Variants in VAT1L observed in about 807,000 individuals in gnomAD.
The protein encoded by VAT1L is vesicle amine transport 1 like, also known as putative NADPH-dependent quinone oxidoreductase VAT1L.
Under a neutral mutation model 44.1 loss-of-function variants are expected in VAT1L, and 34 were observed. That is an observed-to-expected ratio of 0.77 (90% CI 0.59 to 1.03). The LOEUF is 1.03. Ranked by LOEUF, VAT1L falls within the 50% of genes least tolerant of loss-of-function variation. The probability of loss-of-function intolerance (pLI) is 0.00; values close to 1 mark genes in which losing one functional copy is unlikely to be tolerated. For synonymous variants in VAT1L, 253 were observed against 202.2 expected (o/e 1.25, Z -2.13); for missense variants, 615 against 538.8 (o/e 1.14, Z -1.40).
chr16:77,870,537 G>A (rs1344115123), intron 4 of VAT1L, among the ~76,000 whole-genome samples: 1 of 152,200 alleles, frequency 6.6e-6, no homozygotes, highest in East Asian at 1.9e-4. Flanking sequence ...GAAAGAGGCA[G>A]CATTCACCAT....
chr16:77,833,220 A>G (rs1254856388), intron 3 of VAT1L, among the ~76,000 whole-genome samples: 6 of 152,200 alleles, frequency 3.9e-5, no homozygotes, highest in South Asian at 4.1e-4. Context: ...TCTTCTTTCA[A>G]TGAGAAGCCC....
At chr16:77,969,338 C>T (rs2018255452) in intron 7 of VAT1L, among the ~76,000 whole-genome samples, 1 of 151,948 alleles carries the variant, frequency 6.6e-6, no homozygotes. Context: ...GACAGAGTTG[C>T]TCTGGTTCAA....
intron 7 of VAT1L, among the ~76,000 whole-genome samples, chr16:77,907,637 A>G (rs983960581): frequency 6.6e-6 from 1 of 151,872 alleles, no homozygotes; most frequent in Non-Finnish European, 1.5e-5. Flanking sequence ...TATTGTCCAT[A>G]TTTTCCATAA....
At chr16:77,794,896 T>G (rs2015900564) in intron 1 of VAT1L, among the ~76,000 whole-genome samples, 1 of 152,206 alleles carries the variant, frequency 6.6e-6, no homozygotes. Flanking sequence ...TCTCATCAAC[T>G]GAGTCCTTGC....
chr16:77,888,851 C>G (rs143282296), intron 7 of VAT1L, among the ~76,000 whole-genome samples: 21 of 152,316 alleles, frequency 1.4e-4, no homozygotes, highest in Non-Finnish European at 2.5e-4. Context: ...AGGAATTCTA[C>G]GTTCCTGTAG....
chr16:77,932,470 T>C (rs1398621482), intron 7 of VAT1L, among the ~76,000 whole-genome samples: 1 of 152,204 alleles, frequency 6.6e-6, no homozygotes, highest in Non-Finnish European at 1.5e-5. Context: ...CCTGCAGGAC[T>C]TCTTGTTGAC....
chr16:77,852,911 C>T (rs547186164), intron 3 of VAT1L, among the ~76,000 whole-genome samples: 3 of 152,274 alleles, frequency 2.0e-5, no homozygotes, highest in Admixed American at 6.5e-5. Context: ...GAACTAGTAC[C>T]TACCTCATAA....
At chr16:77,827,125 C>T (rs138146440) in intron 3 of VAT1L, among the ~76,000 whole-genome samples, 3 of 152,116 alleles carry the variant, frequency 2.0e-5, no homozygotes, top group South Asian at 4.1e-4. Context: ...TGATACCTTT[C>T]GACCATGAAT....
In VAT1L at chr16:77,822,198, G is replaced by A. The variant is rs539976354; in HGVS notation, c.364-3048G>A. Among the ~76,000 whole-genome samples the A allele has an allele frequency of 1.8e-4, 28 of 152,186 alleles. 1 individual carries two copies. Among genetic ancestry groups the A allele is most frequent in the Admixed American group, 1.4e-3 (22 of 15,284 alleles). The stretch of plus-strand genomic sequence containing the variant: ...TGCCCAGGCTGGAGTGCAATGGTGC[G>A]ATCCTGGCTCACTGCAAACTCTGCC... On this transcript the variant is annotated intron_variant, in intron 2 of 8. Coordinates refer to ENST00000302536, the MANE Select transcript of VAT1L (RefSeq NM_020927.3).
At chr16:77,833,388 G>A (rs2016601779) in intron 3 of VAT1L, among the ~76,000 whole-genome samples, 1 of 152,198 alleles carries the variant, frequency 6.6e-6, no homozygotes, top group African/African-American at 2.4e-5. Flanking sequence ...CCAAGGAAGT[G>A]GCATTTAACG....
At chr16:77,933,224 G>T (rs1282961364) in intron 7 of VAT1L, among the ~76,000 whole-genome samples, 1 of 152,128 alleles carries the variant, frequency 6.6e-6, no homozygotes, top group African/African-American at 2.4e-5. Context: ...CCCTATCTTA[G>T]TTCCCATTGT....
At chr16:77,967,370 G>T (rs574112416) in intron 7 of VAT1L, among the ~76,000 whole-genome samples, 1 of 152,324 alleles carries the variant, frequency 6.6e-6, no homozygotes, top group African/African-American at 2.4e-5. Flanking sequence ...GGCTTGGTGT[G>T]TGTGGATAAA....
At chr16:77,823,936 T>C (rs886828643) in intron 2 of VAT1L, among the ~76,000 whole-genome samples, 2 of 152,096 alleles carry the variant, frequency 1.3e-5, no homozygotes, top group Non-Finnish European at 2.9e-5. Context: ...GACAGGACAA[T>C]CGCTTGTACC....
At chr16:77,843,221 C>G (rs1015145116) in intron 3 of VAT1L, among the ~76,000 whole-genome samples, 3 of 152,134 alleles carry the variant, frequency 2.0e-5, no homozygotes, top group South Asian at 2.1e-4. Flanking sequence ...TCAAGGTGAC[C>G]TTGCTATGGG....
chr16:77,933,719 G>A (rs1428308940), intron 7 of VAT1L, among the ~76,000 whole-genome samples: 1 of 152,196 alleles, frequency 6.6e-6, no homozygotes, highest in East Asian at 1.9e-4. Context: ...ATTAACAAGT[G>A]CAAAGGCCCT....
chr16:77,842,229 G>C (rs2016714752), intron 3 of VAT1L, among the ~76,000 whole-genome samples: 1 of 152,172 alleles, frequency 6.6e-6, no homozygotes, highest in South Asian at 2.1e-4. Flanking sequence ...CTTTTCCAAG[G>C]AGAAAGTCTA....
Position 77,788,741 on chromosome 16 carries a change from C to A in VAT1L, c.59C>A (p.Ala20Glu), listed in dbSNP as rs1360903668. 1 of 1,560,624 alleles carries A rather than the reference C, an allele frequency of 6.4e-7. No individual in the cohort carries two copies. Among genetic ancestry groups the A allele is most frequent in the Admixed American group, 2.0e-5 (1 of 51,248 alleles). The change falls in exon 1 of 9, where the codon GCA becomes GAA. Residue 20 changes from alanine to glutamate, a missense_variant. Ala to Glu is a moderately radical substitution (Grantham distance 107, BLOSUM62 -1). Coordinates refer to ENST00000302536, the MANE Select transcript of VAT1L (RefSeq NM_020927.3). ...ACGGAGCAAATGATCGAGAAGGAGG[C>A]AGGCAAGGAGCCGGCGGAGGGCGGC... ...EETEQMIEKE[A>E]GKEPAEGGGG...
intron 7 of VAT1L, among the ~76,000 whole-genome samples, chr16:77,940,747 AAATTTTCC>A (rs1285100775): frequency 6.6e-6 from 1 of 152,200 alleles, no homozygotes; most frequent in African/African-American, 2.4e-5. Context: ...GTCTGTCTTC[AAATTTTCC>A]AGCATCACCT....
At chr16:77,829,317 A>G (rs185410229) in intron 3 of VAT1L, among the ~76,000 whole-genome samples, 2 of 152,358 alleles carry the variant, frequency 1.3e-5, no homozygotes, top group African/African-American at 4.8e-5. Context: ...AGCTGGGGCA[A>G]AGTTTCCTAA....
Sources: gnomAD v4.1 joint callset for allele counts (sites outside exome capture counted in the v4.1 genomes callset) on GRCh38, gnomAD v4.1.1 for gene constraint, MANE v1.5 for transcripts, NCBI Gene and HGNC (gene_info 2026-07-23, HGNC 2026-07-21) for gene names.